The following SAMMSON variants were observed in gnomAD, a reference collection of about 807,000 sequenced individuals.
SAMMSON encodes the protein long intergenic non-protein coding RNA 1212.
rs535344865 is a variant in SAMMSON at position 70,090,015 on chromosome 3, G to A, written n.507+18450G>A. ...CCATAATAATGAAAAATTGGCAGTA[G>A]CTATTGATTAAATTCTTTCCTACCC... On this transcript the variant is annotated intron_variant and non_coding_transcript_variant, in intron 4 of 9. Coordinates refer to ENST00000642114, the Ensembl canonical transcript of SAMMSON. Among the ~76,000 whole-genome samples the A allele has an allele frequency of 2.3e-4, 35 of 152,190 alleles. No homozygotes were observed. In the South Asian group the frequency reaches 6.9e-3, roughly 30 times the overall value.
chr3:70,195,646 C>T (rs960029420), intron 4 of SAMMSON, among the ~76,000 whole-genome samples: 5 of 152,118 alleles, frequency 3.3e-5, no homozygotes, highest in African/African-American at 1.2e-4. Context: ...TCCCTCAATT[C>T]TCCATTTCAC....
At chr3:70,009,526 C>A (rs1447227086) in intron 1 of SAMMSON, among the ~76,000 whole-genome samples, 1 of 152,106 alleles carries the variant, frequency 6.6e-6, no homozygotes, top group Non-Finnish European at 1.5e-5. Context: ...ATTCTTCTCT[C>A]TTTTCTTCTT....
chr3:70,183,086 G>T (rs1248864148), intron 4 of SAMMSON, among the ~76,000 whole-genome samples: 1 of 152,110 alleles, frequency 6.6e-6, no homozygotes, highest in African/African-American at 2.4e-5. Context: ...TTGAACACTC[G>T]CTACATGCCA....
intron 4 of SAMMSON, among the ~76,000 whole-genome samples, chr3:70,152,061 C>G (rs1289493965): frequency 2.0e-5 from 3 of 151,878 alleles, no homozygotes; most frequent in Non-Finnish European, 4.4e-5. Flanking sequence ...TTCCATGTTC[C>G]TTGATCCTTT....
At chr3:70,409,681 A>G (rs1429737319) in intron 2 of SAMMSON, among the ~76,000 whole-genome samples, 1 of 152,152 alleles carries the variant, frequency 6.6e-6, no homozygotes, top group Non-Finnish European at 1.5e-5. Context: ...ATTAAGGCAC[A>G]ATTGATATAG....
chr3:70,014,016 G>A (rs770175351), intron 3 of SAMMSON: 5 of 152,200 alleles, frequency 3.3e-5, no homozygotes, highest in African/African-American at 7.2e-5. Context: ...CTACAGGGTA[G>A]CGTTTGAACA....
chr3:70,427,563 C>T (rs1354421502), intron 2 of SAMMSON, among the ~76,000 whole-genome samples: 1 of 151,990 alleles, frequency 6.6e-6, no homozygotes, highest in Non-Finnish European at 1.5e-5. Flanking sequence ...CACGGTGAAA[C>T]CCCGTCTCTA....
intron 6 of SAMMSON, among the ~76,000 whole-genome samples, chr3:70,277,672 G>A (rs529831223): frequency 3.3e-5 from 5 of 152,256 alleles, no homozygotes; most frequent in Admixed American, 6.5e-5. Flanking sequence ...AGTATGGGGA[G>A]GATCTCACCA....
chr3:70,033,361 G>T (rs1351642177), intron 3 of SAMMSON, among the ~76,000 whole-genome samples: 1 of 152,078 alleles, frequency 6.6e-6, no homozygotes, highest in Non-Finnish European at 1.5e-5. Context: ...TTCAGCTGGG[G>T]AAGAATAATG....
chr3:70,255,607 A>G (rs1018924894), intron 6 of SAMMSON, among the ~76,000 whole-genome samples: 1 of 152,050 alleles, frequency 6.6e-6, no homozygotes, highest in Non-Finnish European at 1.5e-5. Context: ...GACTGCAGGC[A>G]TGCACCACCA....
chr3:70,199,249 C>T (rs1346695571), intron 4 of SAMMSON, among the ~76,000 whole-genome samples: 9 of 152,080 alleles, frequency 5.9e-5, no homozygotes, highest in Non-Finnish European at 1.0e-4. Context: ...AGGACCTGTT[C>T]GTAAAGTGGT....
chr3:70,182,828 G>A (rs780379689), intron 4 of SAMMSON, among the ~76,000 whole-genome samples: 4 of 152,140 alleles, frequency 2.6e-5, no homozygotes, highest in Non-Finnish European at 4.4e-5. Context: ...TTAACTATTT[G>A]TCTTTCTCTT....
intron 7 of SAMMSON, among the ~76,000 whole-genome samples, chr3:70,316,131 A>G (rs1702492705): frequency 6.6e-6 from 1 of 152,174 alleles, no homozygotes; most frequent in African/African-American, 2.4e-5. Flanking sequence ...TTTAAGGGCA[A>G]ACTATCCAGC....
At chr3:70,360,282 T>G (rs1702861969) in intron 9 of SAMMSON, among the ~76,000 whole-genome samples, 1 of 152,144 alleles carries the variant, frequency 6.6e-6, no homozygotes, top group Admixed American at 6.6e-5. Flanking sequence ...GTGCCAAGTT[T>G]TCCTAATTCA....
At chr3:70,147,338 G>C (rs1486437150) in intron 4 of SAMMSON, among the ~76,000 whole-genome samples, 1 of 151,862 alleles carries the variant, frequency 6.6e-6, no homozygotes, top group Non-Finnish European at 1.5e-5. Context: ...TTTATGAAAA[G>C]ACAAGAGATT....
intron 2 of SAMMSON, among the ~76,000 whole-genome samples, chr3:70,403,613 T>C (rs1416675063): frequency 6.6e-6 from 1 of 152,198 alleles, no homozygotes; most frequent in East Asian, 1.9e-4. Flanking sequence ...CTATGGCCCC[T>C]TTCACACTAG....
chr3:70,151,370 G>C (rs1334405729), intron 4 of SAMMSON, among the ~76,000 whole-genome samples: 1 of 152,040 alleles, frequency 6.6e-6, no homozygotes, highest in African/African-American at 2.4e-5. Context: ...GCTGAACAAA[G>C]CTGGATGCTA....
At chr3:70,270,597 C>A (rs557053685) in intron 6 of SAMMSON, among the ~76,000 whole-genome samples, 1 of 152,274 alleles carries the variant, frequency 6.6e-6, no homozygotes, top group South Asian at 2.1e-4. Flanking sequence ...AATTTCACAG[C>A]TGGCCAGGGT....
intron 9 of SAMMSON, among the ~76,000 whole-genome samples, chr3:70,374,938 T>G (rs940631487): frequency 1.3e-5 from 2 of 152,176 alleles, no homozygotes; most frequent in African/African-American, 4.8e-5. Flanking sequence ...ATCTTAACCC[T>G]TCAACATTTC....
Sources: gnomAD v4.1 joint callset for allele counts (sites outside exome capture counted in the v4.1 genomes callset) on GRCh38, gnomAD v4.1.1 for gene constraint, MANE v1.5 for transcripts, NCBI Gene and HGNC (gene_info 2026-07-23, HGNC 2026-07-21) for gene names.